ARHGAP32: variants seen among roughly 807,000 people sequenced by gnomAD.
The protein encoded by ARHGAP32 is Rho GTPase activating protein 32.
A neutral mutation model predicts 186.5 loss-of-function variants in ARHGAP32; 51 were observed. The observed-to-expected ratio is 0.27, with a 90% CI of 0.22 to 0.35. The LOEUF is 0.35. Among genes scored for constraint, ARHGAP32 ranks in the 10% least tolerant of loss-of-function variants. ARHGAP32 has a pLI of 1.00. For synonymous variants in ARHGAP32, 950 were observed against 964.3 expected (o/e 0.99, Z 0.27); for missense variants, 2,186 against 2,623.5 (o/e 0.83, Z 3.64).
chr11:129,119,901 G>A (rs1336823673), intron 5 of ARHGAP32, among the ~76,000 whole-genome samples: 1 of 152,078 alleles, frequency 6.6e-6, no homozygotes, highest in Non-Finnish European at 1.5e-5. Flanking sequence ...TGTCTGAGGG[G>A]AAGAGAAGAA....
chr11:129,086,562 C>T (rs1270070110), intron 6 of ARHGAP32, among the ~76,000 whole-genome samples: 3 of 152,112 alleles, frequency 2.0e-5, no homozygotes, highest in Non-Finnish European at 4.4e-5. Context: ...TGGCTCACGC[C>T]TGTAATCCCA....
chr11:129,159,628 ATTCTACTAG>A (rs1403657611), intron 2 of ARHGAP32, among the ~76,000 whole-genome samples: 5 of 152,138 alleles, frequency 3.3e-5, no homozygotes, highest in African/African-American at 4.8e-5. Context: ...TCACAGCCAA[ATTCTACTAG>A]AGGTACAAAG....
At chr11:129,237,735 C>T (rs999858725) in intron 1 of ARHGAP32, among the ~76,000 whole-genome samples, 8 of 152,172 alleles carry the variant, frequency 5.3e-5, no homozygotes, top group Non-Finnish European at 1.2e-4. Context: ...AGGGCCAAAC[C>T]AGGCAGGGCT....
chr11:129,005,552 A>G (rs1937718052), intron 11 of ARHGAP32, among the ~76,000 whole-genome samples: 1 of 152,136 alleles, frequency 6.6e-6, no homozygotes, highest in African/African-American at 2.4e-5. Flanking sequence ...TTTTTCCTTT[A>G]GCACTTTAAA....
chr11:129,183,312 A>T (rs1944093921), intron 1 of ARHGAP32, among the ~76,000 whole-genome samples: 1 of 152,012 alleles, frequency 6.6e-6, no homozygotes, highest in Non-Finnish European at 1.5e-5. Context: ...TTTCCTACAA[A>T]GTTTCTTGGT....
intron 1 of ARHGAP32, among the ~76,000 whole-genome samples, chr11:129,188,659 T>A (rs1944212751): frequency 6.6e-6 from 1 of 152,100 alleles, no homozygotes; most frequent in South Asian, 2.1e-4. Flanking sequence ...TGAAGTATCA[T>A]TAGTTCTATA....
chr11:128,974,689 T>A lies in ARHGAP32; in HGVS notation c.2508A>T (p.Pro836=). 1.9e-6 allele frequency: 3 copies of A among 1,614,208 alleles called. No individual in the cohort carries two copies. Among genetic ancestry groups the A allele is most frequent in the Non-Finnish European group, 2.5e-6 (3 of 1,180,032 alleles). ...CACTTGGTTTATCCTTGGAGTATCC[T>A]GGTGAATCTAAAAAGGAAGCACCAC... is the stretch of plus-strand genomic sequence containing the variant. ...LESGASFLDS[P]GYSKDKPSAN... is the part of the protein sequence containing the mutation. Residue 836 remains proline (P), a synonymous_variant, in exon 21 of 23, where the codon CCA becomes CCT. Transcript: ENST00000682385.
chr11:129,235,287 C>A (rs902251423), intron 1 of ARHGAP32, among the ~76,000 whole-genome samples: 1 of 152,152 alleles, frequency 6.6e-6, no homozygotes, highest in Non-Finnish European at 1.5e-5. Flanking sequence ...GCACCTGCCA[C>A]GAGCTCTACC....
chr11:129,056,368 T>G (rs1348211629), intron 10 of ARHGAP32, among the ~76,000 whole-genome samples: 1 of 152,106 alleles, frequency 6.6e-6, no homozygotes, highest in Non-Finnish European at 1.5e-5. Flanking sequence ...TGCCTCAGCC[T>G]CCCAAGCAGC....
chr11:129,204,037 T>A (rs983568534), intron 1 of ARHGAP32, among the ~76,000 whole-genome samples: 1 of 148,148 alleles, frequency 6.8e-6, no homozygotes, highest in African/African-American at 2.4e-5. Context: ...AATTACATAA[T>A]TTATAAAAAT....
At chr11:129,049,709 C>T (rs1939960224) in intron 10 of ARHGAP32, among the ~76,000 whole-genome samples, 1 of 152,172 alleles carries the variant, frequency 6.6e-6, no homozygotes, top group African/African-American at 2.4e-5. Flanking sequence ...TATTTATCAA[C>T]TGTGTATTCC....
chr11:129,004,326 TGAG>T (rs1937651900), intron 11 of ARHGAP32, among the ~76,000 whole-genome samples: 1 of 150,190 alleles, frequency 6.7e-6, no homozygotes, highest in Admixed American at 6.7e-5. Flanking sequence ...ATCCACATGC[TGAG>T]GAGAAGAATA....
intron 1 of ARHGAP32, among the ~76,000 whole-genome samples, chr11:129,168,700 T>A (rs1025591490): frequency 6.6e-6 from 1 of 152,128 alleles, no homozygotes; most frequent in East Asian, 1.9e-4. Context: ...ACTACAAAAC[T>A]CATTTTTTCT....
chr11:129,193,828 C>A (rs1298823615), upstream of ARHGAP32, among the ~76,000 whole-genome samples: 1 of 136,918 alleles, frequency 7.3e-6, no homozygotes, highest in South Asian at 2.2e-4. Context: ...ACATTATAAG[C>A]AAAGTCAAAA....
chr11:129,145,003 G>A (rs926330488), intron 2 of ARHGAP32, among the ~76,000 whole-genome samples: 7 of 152,208 alleles, frequency 4.6e-5, no homozygotes, highest in African/African-American at 1.7e-4. Flanking sequence ...TTACATATTA[G>A]CAAAGCTTTT....
Position 128,967,804 on chromosome 11 carries a change from G to A in ARHGAP32, c.*1103C>T, listed in dbSNP as rs1467872303. On this transcript the variant is annotated 3_prime_UTR_variant, in exon 23 of 23. Transcript: ENST00000682385. ...TGCAGGAACTTGCAGTCTAATAATA[G>A]ATAATGCGTAGCTACTTAAATTCCC... 6.6e-6 allele frequency: 1 copy of A among 152,034 alleles called. No individual in the cohort carries two copies. Among genetic ancestry groups the A allele is most frequent in the Non-Finnish European group, 1.5e-5 (1 of 68,022 alleles). 9.4% of individuals were successfully genotyped at this position (152,034 alleles called of 1,614,324 possible).
chr11:129,186,289 A>G (rs1266902828), intron 1 of ARHGAP32, among the ~76,000 whole-genome samples: 2 of 152,192 alleles, frequency 1.3e-5, no homozygotes, highest in Non-Finnish European at 2.9e-5. Context: ...GATAGATACA[A>G]GAAAGGCCCA....
In ARHGAP32 at chr11:129,044,789, T is replaced by G. The variant is rs75283473; in HGVS notation, c.964-3780A>C. On this transcript the variant is annotated intron_variant, in intron 10 of 22. Transcript: ENST00000682385. ...GGCAAACTGCTTAACATCTCTGTCT[T>G]AGTTTCCTAATTTGTAACGTTAGGG... 4.6e-5 allele frequency among the ~76,000 whole-genome samples: 7 copies of G among 152,270 alleles called. No individual in the cohort carries two copies. The East Asian group carries it at 1.4e-3, about 29-fold the overall frequency.
At chr11:129,075,804 C>T (rs1466329400) in intron 6 of ARHGAP32, among the ~76,000 whole-genome samples, 1 of 152,132 alleles carries the variant, frequency 6.6e-6, no homozygotes, top group Non-Finnish European at 1.5e-5. Flanking sequence ...CATAATATGT[C>T]TGCTCACAGA....
Sources: allele counts gnomAD v4.1 joint callset (sites outside exome capture counted in the v4.1 genomes callset), GRCh38; gene constraint gnomAD v4.1.1; transcripts MANE v1.5; gene names NCBI Gene and HGNC (gene_info 2026-07-23, HGNC 2026-07-21).